The following KIF26B variants were observed in gnomAD, a reference collection of about 807,000 sequenced individuals.
KIF26B encodes kinesin family member 26B.
In KIF26B, 63 loss-of-function variants were observed where a neutral mutation model predicts 151.2. That is an observed-to-expected ratio of 0.42 (90% confidence interval 0.34 to 0.51). The LOEUF (loss-of-function observed/expected upper bound fraction) is 0.51, where lower values mean the gene tolerates loss of function less well. Ranked by LOEUF, KIF26B falls within the 20% of genes least tolerant of loss-of-function variation. KIF26B has a pLI of 0.07. For synonymous variants in KIF26B, 1,357 were observed against 1,262.1 expected, an observed-to-expected ratio of 1.08 and a Z score of -1.59; for missense variants, 2,813 against 2,913.6, an observed-to-expected ratio of 0.97 and a Z score of 0.79.
At position 245,246,112 on chromosome 1, in the gene KIF26B, A is replaced by AAAG. The variant is rs1553338306; in HGVS notation, c.465+89431_465+89432insGAA. On this transcript the variant is annotated intron_variant, in intron 2 of 14. Transcript: ENST00000407071. ...GTCTCAAAAAAGAAAAAAAAAAAAA[A>AAAG]AAAGAAAGGTTTGCAGAGTAACTTT... is the stretch of plus-strand genomic sequence containing the variant. Among the ~76,000 whole-genome samples, 811 of 148,372 alleles carry AAAG rather than the reference A, an allele frequency of 5.5e-3. 11 individuals carry two copies. The highest frequency in any genetic ancestry group is 0.018 in the East Asian group (90 of 5,050).
chr1:245,442,132 T>C (rs1437927734), intron 4 of KIF26B, among the ~76,000 whole-genome samples: 1 of 152,146 alleles, frequency 6.6e-6, no homozygotes, highest in African/African-American at 2.4e-5. Context: ...TTTAAAACAA[T>C]ACTATGGAAA....
At chr1:245,359,897 G>A (rs1672780409) in intron 2 of KIF26B, among the ~76,000 whole-genome samples, 1 of 145,666 alleles carries the variant, frequency 6.9e-6, no homozygotes, top group Admixed American at 6.8e-5. Flanking sequence ...TTCTGAGACA[G>A]GGTCTCACTC....
chr1:245,418,055 G>A (rs1674463537), intron 3 of KIF26B, among the ~76,000 whole-genome samples: 1 of 152,232 alleles, frequency 6.6e-6, no homozygotes, highest in Non-Finnish European at 1.5e-5. Flanking sequence ...CATGATGCGC[G>A]CCCTGGAGCT....
intron 5 of KIF26B, among the ~76,000 whole-genome samples, chr1:245,596,748 CTAT>C (rs1168979268): frequency 3.3e-5 from 5 of 152,098 alleles, no homozygotes; most frequent in African/African-American, 7.2e-5. Context: ...AAGTCTCCCA[CTAT>C]TATTGTGTGG....
At chr1:245,553,802 C>T (rs1572123033) in intron 5 of KIF26B, among the ~76,000 whole-genome samples, 1 of 152,190 alleles carries the variant, frequency 6.6e-6, no homozygotes, top group East Asian at 1.9e-4. Flanking sequence ...TGGAGGCACC[C>T]GGGTGATTCC....
rs2044217617 is a variant in KIF26B at position 245,666,546 on chromosome 1, G to C, written c.2259-17687G>C. ...CTTGTTGAATGAACAATCGGAGGTA[G>C]CTTATTTGTTTGAATAAGGCTTTCT... On this transcript the variant is annotated intron_variant, in intron 10 of 14. Coordinates refer to ENST00000407071, the MANE Select transcript of KIF26B (RefSeq NM_018012.4). 2.0e-5 allele frequency among the ~76,000 whole-genome samples: 3 copies of C among 152,102 alleles called. No homozygotes were observed. The South Asian group carries it at 6.2e-4, about 32-fold the overall frequency.
intron 2 of KIF26B, among the ~76,000 whole-genome samples, chr1:245,270,016 C>G (rs1670822484): frequency 6.6e-6 from 1 of 152,180 alleles, no homozygotes; most frequent in African/African-American, 2.4e-5. Context: ...TCTGAGGAAA[C>G]TCCATTCTGT....
intron 4 of KIF26B, among the ~76,000 whole-genome samples, chr1:245,485,768 C>T (rs1272740211): frequency 6.6e-6 from 1 of 152,188 alleles, no homozygotes; most frequent in Non-Finnish European, 1.5e-5. Flanking sequence ...GCTGTGTAGC[C>T]GTTTTCTGTG....
intron 2 of KIF26B, among the ~76,000 whole-genome samples, chr1:245,290,341 A>G (rs56319143): frequency 0.041 from 6,248 of 152,304 alleles, 157 homozygotes; most frequent in African/African-American, 0.062. Context: ...AGAATTCTAG[A>G]TGAGTCCATA....
intron 5 of KIF26B, among the ~76,000 whole-genome samples, chr1:245,593,421 G>T (rs986918361): frequency 2.0e-5 from 3 of 152,072 alleles, no homozygotes; most frequent in African/African-American, 7.2e-5. Flanking sequence ...AACATGCAGT[G>T]TTTGGTTTTC....
chr1:245,559,000 T>A (rs1662103221), intron 5 of KIF26B, among the ~76,000 whole-genome samples: 1 of 152,216 alleles, frequency 6.6e-6, no homozygotes, highest in Non-Finnish European at 1.5e-5. Flanking sequence ...TGATGCACAC[T>A]GAACACCATC....
chr1:245,596,020 AT>A (rs1221993262), intron 5 of KIF26B, among the ~76,000 whole-genome samples: 1 of 152,016 alleles, frequency 6.6e-6, no homozygotes, highest in Non-Finnish European at 1.5e-5. Context: ...CCCCTTTATC[AT>A]TTTTTATTGT....
At position 245,687,607 on chromosome 1, in the gene KIF26B, C is replaced by G; in HGVS notation, c.4624C>G (p.Gln1542Glu). 1 of 1,563,512 alleles carries G rather than the reference C, an allele frequency of 6.4e-7. No homozygotes were observed. Among genetic ancestry groups the G allele is most frequent in the Non-Finnish European group, 8.7e-7 (1 of 1,154,334 alleles). ...GTCCAGCAGCCTTCCCAGGGCCTTT[C>G]AGAAGGCCAGCCGGCAGGAGGAGCC... Reference protein sequence around the residue: ...VKSSSLPRAFQKASRQEEPDS... With the variant: ...VKSSSLPRAFEKASRQEEPDS... Residue 1542 changes from glutamine to glutamate, a missense_variant, in exon 12 of 15, where the codon CAG (glutamine) becomes GAG (glutamate). Physicochemically the swap from Gln to Glu is conservative, Grantham distance 29. Around this residue, in one of 3 missense-constraint regions of KIF26B, gnomAD observed 2,060 missense variants for 2,088.6 expected, o/e 0.99. Transcript: ENST00000407071. The surrounding 1 kb of genome is among the most constrained non-coding windows in gnomAD (Gnocchi z 4.9).
intron 10 of KIF26B, among the ~76,000 whole-genome samples, chr1:245,646,674 A>G (rs978061145): frequency 2.6e-5 from 4 of 152,200 alleles, no homozygotes; most frequent in Non-Finnish European, 5.9e-5. Context: ...CCAAAAAAAT[A>G]TAGGATATCC....
intron 4 of KIF26B, among the ~76,000 whole-genome samples, chr1:245,477,934 A>G (rs1660077366): frequency 6.6e-6 from 1 of 151,728 alleles, no homozygotes; most frequent in South Asian, 2.1e-4. Flanking sequence ...ATACTGTGCA[A>G]GCAGAACATT....
In KIF26B at chr1:245,542,291, T is replaced by C. The variant is rs1333143321; in HGVS notation, c.1350+1341T>C. Among the ~76,000 whole-genome samples, 3 of 152,366 alleles carry C rather than the reference T, an allele frequency of 2.0e-5. No individual in the cohort carries two copies. The East Asian group carries it at 5.8e-4, about 29-fold the overall frequency. ...TCACTTGAGCCCAGGAGTTAGAGGCTGCAGTGAGCAATGATCGTGCCACTG... is the reference window on the plus strand; with the variant it reads ...TCACTTGAGCCCAGGAGTTAGAGGCCGCAGTGAGCAATGATCGTGCCACTG... On this transcript the variant is annotated intron_variant, in intron 5 of 14. Coordinates refer to ENST00000407071, the MANE Select transcript of KIF26B (RefSeq NM_018012.4).
In KIF26B at chr1:245,611,797, A is replaced by G. The variant is rs1237731032; in HGVS notation, c.1919A>G (p.Gln640Arg). ...CEDPICGTQL[Q>R]NQSELRAPTA... The stretch of plus-strand genomic sequence containing the variant: ...CTCTTGGCTTCTGTCTTCCAGCTGC[A>G]GAACCAGAGCGAGCTGCGGGCCCCC... The change falls in exon 9 of 15, where the codon CAG becomes CGG. Residue 640 changes from glutamine to arginine, a missense_variant. Coordinates refer to ENST00000407071, the MANE Select transcript of KIF26B (RefSeq NM_018012.4). The G allele has an allele frequency of 1.9e-6, 3 of 1,613,496 alleles. No homozygotes were observed. The highest frequency in any genetic ancestry group is 2.5e-6 in the Non-Finnish European group (3 of 1,179,798).
intron 4 of KIF26B, among the ~76,000 whole-genome samples, chr1:245,493,789 T>C (rs1660454740): frequency 6.6e-6 from 1 of 152,146 alleles, no homozygotes; most frequent in Non-Finnish European, 1.5e-5. Flanking sequence ...TTTGGCAGTA[T>C]AATGAGGCTT....
rs1659750505 is a variant in KIF26B at position 245,465,033 on chromosome 1, C to T, written c.1166+45288C>T. Among the ~76,000 whole-genome samples the T allele has an allele frequency of 1.4e-5, 2 of 140,772 alleles. 1 individual carries two copies. The highest frequency in any genetic ancestry group is 4.6e-4 in the South Asian group (2 of 4,334). 92.4% of individuals were successfully genotyped at this position (140,772 alleles called of 152,430 possible). On this transcript the variant is annotated intron_variant, in intron 4 of 14. Coordinates refer to ENST00000407071, the MANE Select transcript of KIF26B (RefSeq NM_018012.4). Reference sequence around the variant, plus strand: ...TCACTCTGTCGCCCAGGCTGGAGTGCAGGGGCGCGATCTCGGCTCACTGCA... The same window carrying T: ...TCACTCTGTCGCCCAGGCTGGAGTGTAGGGGCGCGATCTCGGCTCACTGCA...
Sources: allele counts gnomAD v4.1 joint callset (sites outside exome capture counted in the v4.1 genomes callset), GRCh38; gene constraint gnomAD v4.1.1; regional missense constraint gnomAD v4.1.1; non-coding constraint Gnocchi (gnomAD v3.1); transcripts MANE v1.5; gene names NCBI Gene and HGNC (gene_info 2026-07-23, HGNC 2026-07-21).